Variants in DGKB observed in about 807,000 individuals in gnomAD.
DGKB encodes diacylglycerol kinase beta.
Under a neutral mutation model 114.3 loss-of-function variants are expected in DGKB, and 67 were observed. That is an observed-to-expected ratio of 0.59 (90% CI 0.48 to 0.72). The LOEUF is 0.72. Ranked by LOEUF, DGKB falls within the 30% of genes least tolerant of loss-of-function variation. The pLI is 0.00. For synonymous variants in DGKB, 398 were observed against 323.1 expected (o/e 1.23, Z -2.49); for missense variants, 907 against 975.2 (o/e 0.93, Z 0.93).
At chr7:14,628,522 A>G (rs948217514) in intron 14 of DGKB, among the ~76,000 whole-genome samples, 1 of 152,218 alleles carries the variant, frequency 6.6e-6, no homozygotes, top group Non-Finnish European at 1.5e-5. Context: ...ACCATTTCCA[A>G]TTAGAAGATC....
chr7:14,180,795 A>G (rs371956481), intron 23 of DGKB, among the ~76,000 whole-genome samples: 3 of 152,160 alleles, frequency 2.0e-5, no homozygotes, highest in East Asian at 3.9e-4. Flanking sequence ...TATCTATGCA[A>G]TTTTGAATTC....
intron 20 of DGKB, among the ~76,000 whole-genome samples, chr7:14,544,039 C>A (rs73287770): frequency 6.6e-6 from 1 of 151,890 alleles, no homozygotes; most frequent in East Asian, 1.9e-4. Context: ...TTTTTATTTC[C>A]GTAGAATTAA....
intron 21 of DGKB, among the ~76,000 whole-genome samples, chr7:14,473,739 G>C (rs2128894967): frequency 6.6e-6 from 1 of 152,320 alleles, no homozygotes; most frequent in South Asian, 2.1e-4. Context: ...TCTTGCATCA[G>C]CTTGACCTGG....
chr7:14,298,403 A>G lies in DGKB; in HGVS notation c.2122+40112T>C, dbSNP rs560411413. 7.2e-5 allele frequency among the ~76,000 whole-genome samples: 11 copies of G among 152,284 alleles called. No individual in the cohort carries two copies. The South Asian group carries it at 8.3e-4, about 11-fold the overall frequency. ...ACAGAGGCCTCAGAAATAACACCACATATCTATAACCATCTGATGTTTGAC... is the reference window on the plus strand; with the variant it reads ...ACAGAGGCCTCAGAAATAACACCACGTATCTATAACCATCTGATGTTTGAC... On this transcript the variant is annotated intron_variant, in intron 23 of 25. Transcript: ENST00000402815.
At chr7:14,353,503 C>A (rs894423247) in intron 21 of DGKB, among the ~76,000 whole-genome samples, 3 of 152,090 alleles carry the variant, frequency 2.0e-5, no homozygotes, top group Admixed American at 6.5e-5. Flanking sequence ...AAGGAAAAGA[C>A]AAGGGAAACC....
intron 23 of DGKB, among the ~76,000 whole-genome samples, chr7:14,335,328 C>A (rs1021072790): frequency 6.6e-6 from 1 of 151,986 alleles, no homozygotes; most frequent in Non-Finnish European, 1.5e-5. Flanking sequence ...CAAATTAAAT[C>A]CTTTTATTAA....
At chr7:14,340,543 T>A (rs1194848411) in intron 22 of DGKB, among the ~76,000 whole-genome samples, 1 of 151,562 alleles carries the variant, frequency 6.6e-6, no homozygotes, top group Non-Finnish European at 1.5e-5. Context: ...TCATTCCTTA[T>A]AATTTGCAGC....
intron 16 of DGKB, 134 bp downstream of exon 16, chr7:14,613,206 A>C: frequency 1.7e-6 from 1 of 599,216 alleles, no homozygotes; most frequent in South Asian, 2.4e-5. Context: ...TAAACATATT[A>C]AATGCTAGCA....
At chr7:14,446,864 A>C (rs554251114) in intron 21 of DGKB, among the ~76,000 whole-genome samples, 98 of 150,986 alleles carry the variant, frequency 6.5e-4, no homozygotes, top group Admixed American at 2.4e-3. Flanking sequence ...GGAGAGTTTC[A>C]AGAGAGAGAC....
intron 23 of DGKB, among the ~76,000 whole-genome samples, chr7:14,230,264 C>T (rs1362218392): frequency 6.6e-6 from 1 of 151,972 alleles, no homozygotes; most frequent in African/African-American, 2.4e-5. Context: ...TATGATTTCT[C>T]TTTCTAGAAA....
chr7:14,348,398 G>T, intron 21 of DGKB, among the ~76,000 whole-genome samples: 1 of 151,900 alleles, frequency 6.6e-6, no homozygotes, highest in South Asian at 2.1e-4. Flanking sequence ...AATATATAAA[G>T]AACTCTGATG....
intron 21 of DGKB, among the ~76,000 whole-genome samples, chr7:14,353,281 T>G (rs1813813762): frequency 6.6e-6 from 1 of 152,240 alleles, no homozygotes; most frequent in Non-Finnish European, 1.5e-5. Flanking sequence ...TAAGTGCTTT[T>G]ATTTCCCTCT....
intron 21 of DGKB, among the ~76,000 whole-genome samples, chr7:14,458,872 AG>A (rs1044414025): frequency 5.3e-5 from 8 of 152,184 alleles, no homozygotes; most frequent in African/African-American, 1.7e-4. Context: ...TCTCCTGGAA[AG>A]GGAGCTGAAG....
intron 23 of DGKB, among the ~76,000 whole-genome samples, chr7:14,285,438 G>C (rs1584937281): frequency 6.6e-6 from 1 of 152,136 alleles, no homozygotes; most frequent in Non-Finnish European, 1.5e-5. Context: ...TGCTCATCCT[G>C]TTCATCTTTC....
chr7:14,882,827 AT>A (rs1854445768), intron 1 of DGKB, among the ~76,000 whole-genome samples: 1 of 149,252 alleles, frequency 6.7e-6, no homozygotes. Context: ...CATTTTCTTT[AT>A]CTTATCTTAT....
chr7:14,893,776 C>G (rs777099839), intron 1 of DGKB, among the ~76,000 whole-genome samples: 1 of 151,324 alleles, frequency 6.6e-6, no homozygotes, highest in African/African-American at 2.4e-5. Context: ...AGATCTAACT[C>G]AAATTCTAAA....
At chr7:14,227,812 G>A (rs1205839018) in intron 23 of DGKB, among the ~76,000 whole-genome samples, 1 of 151,982 alleles carries the variant, frequency 6.6e-6, no homozygotes, top group Non-Finnish European at 1.5e-5. Context: ...TTAAGATGTG[G>A]AATTTTATTA....
In DGKB at chr7:14,204,652, T is replaced by TA. The variant is rs543016695; in HGVS notation, c.2123-26502dup. 7.7e-4 allele frequency among the ~76,000 whole-genome samples: 117 copies of TA among 152,128 alleles called. 1 individual carries two copies. The highest frequency in any genetic ancestry group is 2.6e-4 in the Non-Finnish European group (18 of 67,960). Reference sequence around the variant, plus strand: ...ATGAGAACTAAAAGGTTCAAGTGCCTAGTCAACTGGCTAAAAGGAAGTTTA... The same window carrying TA: ...ATGAGAACTAAAAGGTTCAAGTGCCTAAGTCAACTGGCTAAAAGGAAGTTTA... On this transcript the variant is annotated intron_variant, in intron 23 of 25. Transcript: ENST00000402815.
intron 2 of DGKB, among the ~76,000 whole-genome samples, chr7:14,800,371 G>A (rs1434005711): frequency 1.3e-5 from 2 of 152,210 alleles, no homozygotes; most frequent in African/African-American, 4.8e-5. Flanking sequence ...TTGAGTCAGT[G>A]TGCTGGGGAA....
Sources: allele counts gnomAD v4.1 joint callset (sites outside exome capture counted in the v4.1 genomes callset), GRCh38; gene constraint gnomAD v4.1.1; transcripts MANE v1.5; gene names NCBI Gene and HGNC (gene_info 2026-07-23, HGNC 2026-07-21).